The following PLCXD3 variants were observed in gnomAD, a reference collection of about 807,000 sequenced individuals.
The protein encoded by PLCXD3 is phosphatidylinositol specific phospholipase C X domain containing 3.
In PLCXD3, 19 loss-of-function variants were observed where a neutral mutation model predicts 25.5. The ratio of observed to expected loss-of-function variants is 0.75; its 90% CI spans 0.52 to 1.09. The LOEUF (loss-of-function observed/expected upper bound fraction) is 1.09, where lower values mean the gene tolerates loss of function less well. Among genes scored for constraint, PLCXD3 ranks in the 50% least tolerant of loss-of-function variants. The pLI is 0.00. For missense variants in PLCXD3, 411 were observed against 388.1 expected (o/e 1.06, Z -0.50); for synonymous variants, 174 against 137.6 (o/e 1.26, Z -1.85).
In PLCXD3 at chr5:41,374,493, C is replaced by T. The variant is rs899329268; in HGVS notation, c.812+7333G>A. Reference sequence around the variant, plus strand: ...TTCTGACCTTCAGTTTCTTAAATTGCAAATTAGGAATAACACTTGTACGAA... The same window carrying T: ...TTCTGACCTTCAGTTTCTTAAATTGTAAATTAGGAATAACACTTGTACGAA... On this transcript the variant is annotated intron_variant, in intron 2 of 2. Coordinates refer to ENST00000377801, the MANE Select transcript of PLCXD3 (RefSeq NM_001005473.3). 3.3e-5 allele frequency among the ~76,000 whole-genome samples: 5 copies of T among 152,162 alleles called. No homozygotes were observed. The South Asian group carries it at 8.3e-4, about 25-fold the overall frequency.
chr5:41,479,061 AC>A (rs1271812361), intron 1 of PLCXD3, among the ~76,000 whole-genome samples: 2 of 152,194 alleles, frequency 1.3e-5, no homozygotes, highest in Non-Finnish European at 2.9e-5. Flanking sequence ...GGGTGAGGAC[AC>A]AGAGCCAAAT....
At chr5:41,392,153 G>A (rs1745845964) in intron 1 of PLCXD3, among the ~76,000 whole-genome samples, 1 of 152,220 alleles carries the variant, frequency 6.6e-6, no homozygotes, top group East Asian at 1.9e-4. Flanking sequence ...AAGGACACAA[G>A]CCTGGCTAGC....
intron 1 of PLCXD3, among the ~76,000 whole-genome samples, chr5:41,466,575 C>T (rs1478389749): frequency 2.0e-5 from 3 of 152,038 alleles, no homozygotes; most frequent in Admixed American, 2.0e-4. Flanking sequence ...TATTCTTAGT[C>T]ATTCTGAAAT....
intron 1 of PLCXD3, among the ~76,000 whole-genome samples, chr5:41,487,079 C>T (rs1748536770): frequency 6.6e-6 from 1 of 152,042 alleles, no homozygotes; most frequent in Non-Finnish European, 1.5e-5. Context: ...AAAATTTCTT[C>T]AAAGCCTTTA....
chr5:41,321,994 G>A (rs1258761583), intron 2 of PLCXD3, among the ~76,000 whole-genome samples: 1 of 152,140 alleles, frequency 6.6e-6, no homozygotes, highest in Non-Finnish European at 1.5e-5. Flanking sequence ...AAACTTTGGG[G>A]AAAATCTCCA....
intron 1 of PLCXD3, among the ~76,000 whole-genome samples, chr5:41,391,150 C>A (rs1298792588): frequency 2.0e-5 from 3 of 152,132 alleles, no homozygotes; most frequent in African/African-American, 7.2e-5. Context: ...ATAAGGACTG[C>A]AATTCAGGCA....
In PLCXD3 at chr5:41,405,793, G is replaced by GTTTTT. The variant is rs1554048161; in HGVS notation, c.104-23260_104-23259insAAAAA. On this transcript the variant is annotated intron_variant, in intron 1 of 2. Transcript: ENST00000377801. ...TGTTTGTTTTGTTTTGTTTTGTTTT[G>GTTTTT]TTTACCATTTCCATTCAAATTCTCA... Among the ~76,000 whole-genome samples the GTTTTT allele has an allele frequency of 1.5e-4, 23 of 151,940 alleles. 3 individuals are homozygous for GTTTTT. Among genetic ancestry groups the GTTTTT allele is most frequent in the African/African-American group, 5.1e-4 (21 of 41,346 alleles).
chr5:41,361,196 C>T (rs563712421), intron 2 of PLCXD3, among the ~76,000 whole-genome samples: 1 of 152,224 alleles, frequency 6.6e-6, no homozygotes, highest in Admixed American at 6.5e-5. Flanking sequence ...AGCTGGCAGT[C>T]ACAGGCCTCA....
intron 1 of PLCXD3, among the ~76,000 whole-genome samples, chr5:41,416,986 A>C (rs946576460): frequency 6.6e-6 from 1 of 152,228 alleles, no homozygotes; most frequent in East Asian, 1.9e-4. Flanking sequence ...ACTGGCATTC[A>C]TGGACCAAGA....
In PLCXD3 at chr5:41,425,771, T is replaced by A. The variant is rs1675366; in HGVS notation, c.104-43237A>T. ...TACTGGCTTCTTTCCCTTAGTAATA[T>A]GCATCTAAGTTTCTTCGATGTGTTT... On this transcript the variant is annotated intron_variant, in intron 1 of 2. Transcript: ENST00000377801. Among the ~76,000 whole-genome samples, 355 of 152,328 alleles carry A rather than the reference T, an allele frequency of 2.3e-3. 1 individual carries two copies. Among genetic ancestry groups the A allele is most frequent in the African/African-American group, 8.1e-3 (338 of 41,588 alleles).
intron 1 of PLCXD3, among the ~76,000 whole-genome samples, chr5:41,464,830 T>G (rs774413110): frequency 1.1e-4 from 16 of 152,056 alleles, no homozygotes; most frequent in Admixed American, 3.9e-4. Flanking sequence ...AATCTCCTCT[T>G]TCATAGTTTT....
At chr5:41,469,588 G>A (rs568214159) in intron 1 of PLCXD3, among the ~76,000 whole-genome samples, 1 of 151,180 alleles carries the variant, frequency 6.6e-6, no homozygotes, top group South Asian at 2.1e-4. Flanking sequence ...TTAGTAAGTT[G>A]TATTGTGTCT....
At chr5:41,431,310 T>C (rs1013196085) in intron 1 of PLCXD3, among the ~76,000 whole-genome samples, 2 of 152,238 alleles carry the variant, frequency 1.3e-5, no homozygotes, top group African/African-American at 4.8e-5. Context: ...TAATTTACAC[T>C]CCTCTGAATA....
In PLCXD3 at chr5:41,440,611, C is replaced by A. The variant is rs191119252; in HGVS notation, c.104-58077G>T. On this transcript the variant is annotated intron_variant, in intron 1 of 2. Transcript: ENST00000377801. ...ATATCTATCTTATAGAGTTGTCTTA[C>A]TGATTCTATAAGTCTATGTATATAT... 2.9e-4 allele frequency among the ~76,000 whole-genome samples: 44 copies of A among 152,168 alleles called. 2 individuals carry two copies. In the East Asian group the frequency reaches 4.4e-3, roughly 15 times the overall value.
rs748182421 is a variant in PLCXD3, at chr5:41,313,152, G to C, written c.*465C>G. 6.4e-6 allele frequency: 1 copy of C among 157,042 alleles called. No individual in the cohort carries two copies. The highest frequency in any genetic ancestry group is 2.4e-5 in the African/African-American group (1 of 41,434). The allele number at this position is 157,042 out of a possible 1,614,324, so 9.7% of individuals were successfully genotyped here. A position where few individuals can be genotyped will look rare whatever the true frequency, so the allele number is the denominator to read the frequency against. On this transcript the variant is annotated 3_prime_UTR_variant, in exon 3 of 3. Coordinates refer to ENST00000377801, the MANE Select transcript of PLCXD3 (RefSeq NM_001005473.3). ...CATTATAACAAGTCCCACAAAACTA[G>C]TAAGTTTTAAGACAACAATGTAATA...
intron 1 of PLCXD3, among the ~76,000 whole-genome samples, chr5:41,493,660 A>C (rs1042155400): frequency 2.0e-5 from 3 of 152,276 alleles, no homozygotes; most frequent in Admixed American, 6.5e-5. Flanking sequence ...CCCCCAGCCT[A>C]GCTGCCGCCT....
intron 1 of PLCXD3, among the ~76,000 whole-genome samples, chr5:41,391,905 T>G (rs1225857630): frequency 6.6e-6 from 1 of 151,938 alleles, no homozygotes; most frequent in East Asian, 1.9e-4. Flanking sequence ...ACACCAGCAA[T>G]AGTGTGGCAG....
intron 1 of PLCXD3, among the ~76,000 whole-genome samples, chr5:41,392,109 C>T (rs1745844113): frequency 6.6e-6 from 1 of 152,190 alleles, no homozygotes; most frequent in African/African-American, 2.4e-5. Flanking sequence ...TCTGGACCTA[C>T]CCAAGGCCTG....
chr5:41,425,201 T>G lies in PLCXD3; in HGVS notation c.104-42667A>C, dbSNP rs557034501. Among the ~76,000 whole-genome samples, 3 of 152,320 alleles carry G rather than the reference T, an allele frequency of 2.0e-5. No individual in the cohort carries two copies. In the South Asian group the frequency reaches 6.2e-4, roughly 32 times the overall value. On this transcript the variant is annotated intron_variant, in intron 1 of 2. Transcript: ENST00000377801. ...ACCACACCAAATTTCTGTTAGTATT[T>G]ACTTAGTATATCTTTCCCTCCCTTT... is the stretch of plus-strand genomic sequence containing the variant.
Sources: gnomAD v4.1 joint callset for allele counts (sites outside exome capture counted in the v4.1 genomes callset) on GRCh38, gnomAD v4.1.1 for gene constraint, MANE v1.5 for transcripts, NCBI Gene and HGNC (gene_info 2026-07-23, HGNC 2026-07-21) for gene names.